Variants in DNAH12 observed in about 807,000 individuals in gnomAD.
DNAH12 encodes the protein dynein axonemal heavy chain 12.
In DNAH12, 285 loss-of-function variants were observed where a neutral mutation model predicts 371.5. The ratio of observed to expected loss-of-function variants is 0.77; its 90% CI spans 0.70 to 0.85. DNAH12 has a LOEUF of 0.85. DNAH12 is among the 40% of genes least tolerant of loss of function. The pLI is 0.00. For missense variants in DNAH12, 3,611 were observed against 3,689.4 expected, an observed-to-expected ratio of 0.98 and a Z score of 0.55; for synonymous variants, 1,200 against 1,213.0, an observed-to-expected ratio of 0.99 and a Z score of 0.22.
intron 2 of DNAH12, chr3:57,536,163 G>C (rs546658865): frequency 6.7e-6 from 1 of 148,590 alleles, no homozygotes; most frequent in South Asian, 2.1e-4. Flanking sequence ...AAATTATCCA[G>C]TCTGTAGTAT....
At chr3:57,371,446 C>T (rs1371118685) in intron 55 of DNAH12, among the ~76,000 whole-genome samples, 6 of 152,098 alleles carry the variant, frequency 3.9e-5, no homozygotes, top group African/African-American at 1.2e-4. Flanking sequence ...GCATTTCATA[C>T]TAAAAATCAC....
At chr3:57,400,724 A>G (rs2063839257) in intron 43 of DNAH12, among the ~76,000 whole-genome samples, 2 of 152,214 alleles carry the variant, frequency 1.3e-5, no homozygotes, top group African/African-American at 4.8e-5. Flanking sequence ...GGGTAACTAA[A>G]ACTGCAATAA....
chr3:57,499,903 T>C (rs2067472461), intron 11 of DNAH12, among the ~76,000 whole-genome samples: 1 of 151,112 alleles, frequency 6.6e-6, no homozygotes, highest in African/African-American at 2.4e-5. Context: ...ATGTATAAAG[T>C]ATACATTAAA....
At chr3:57,443,066 G>C (rs2153369489) in intron 29 of DNAH12, among the ~76,000 whole-genome samples, 1 of 152,142 alleles carries the variant, frequency 6.6e-6, no homozygotes, top group South Asian at 2.1e-4. Flanking sequence ...TTCATTAATT[G>C]CGTTAAATTG....
At chr3:57,541,926 A>G (rs1234144777) in intron 2 of DNAH12, among the ~76,000 whole-genome samples, 1 of 152,128 alleles carries the variant, frequency 6.6e-6, no homozygotes, top group East Asian at 1.9e-4. Flanking sequence ...AGGAAAGAGA[A>G]TGTAGAAAGG....
At chr3:57,435,884 A>C (rs1309891907) in intron 30 of DNAH12, among the ~76,000 whole-genome samples, 1 of 152,108 alleles carries the variant, frequency 6.6e-6, no homozygotes, top group Non-Finnish European at 1.5e-5. Context: ...TATGTTTAAA[A>C]ATTTACATAA....
At position 57,509,227 on chromosome 3, in the gene DNAH12, T is replaced by G; in HGVS notation, c.470-15A>C. The G allele has an allele frequency of 6.2e-7, 1 of 1,604,166 alleles. No individual in the cohort carries two copies. Among genetic ancestry groups the G allele is most frequent in the South Asian group, 1.1e-5 (1 of 89,156 alleles). ...AACGCTCTGCACTAAAATACATGGA[T>G]ATATTAATGCTTCTTGAAAATCTCT... On this transcript the variant is annotated splice_polypyrimidine_tract_variant and intron_variant, in intron 5 of 73. Transcript: ENST00000495027.
chr3:57,431,240 C>T (rs1368172381), intron 32 of DNAH12, among the ~76,000 whole-genome samples: 2 of 152,132 alleles, frequency 1.3e-5, no homozygotes, highest in African/African-American at 2.4e-5. Flanking sequence ...TGCCACTCAA[C>T]AGTACTCAGT....
chr3:57,325,678 AG>A (rs1168934146), intron 62 of DNAH12, among the ~76,000 whole-genome samples: 4 of 152,262 alleles, frequency 2.6e-5, no homozygotes, highest in African/African-American at 9.6e-5. Context: ...CCTCCTCCAA[AG>A]GATCACAGTT....
intron 2 of DNAH12, among the ~76,000 whole-genome samples, chr3:57,531,531 G>A (rs916601795): frequency 3.3e-5 from 5 of 152,058 alleles, no homozygotes; most frequent in Admixed American, 2.6e-4. Context: ...GGAGGCTGAG[G>A]GAGGTGGATA....
At chr3:57,345,832 A>G (rs1265423003) in intron 60 of DNAH12, among the ~76,000 whole-genome samples, 1 of 152,178 alleles carries the variant, frequency 6.6e-6, no homozygotes, top group Non-Finnish European at 1.5e-5. Flanking sequence ...ATCTACATAT[A>G]TTTTATGTAT....
At chr3:57,369,314 ATT>A (rs2063121545) in intron 55 of DNAH12, among the ~76,000 whole-genome samples, 1 of 144,086 alleles carries the variant, frequency 6.9e-6, no homozygotes, top group South Asian at 2.1e-4. Flanking sequence ...TATATTATAA[ATT>A]ATATATATTT....
At chr3:57,422,636 C>T (rs1348456065) in intron 35 of DNAH12, among the ~76,000 whole-genome samples, 1 of 152,138 alleles carries the variant, frequency 6.6e-6, no homozygotes, top group Non-Finnish European at 1.5e-5. Flanking sequence ...GACCCCATCT[C>T]TACAAAATAT....
In DNAH12 at chr3:57,377,072, T is replaced by C. The variant is rs2063295465; in HGVS notation, c.8374A>G (p.Lys2792Glu). The C allele has an allele frequency of 6.6e-6, 1 of 152,142 alleles. No individual in the cohort carries two copies. Among genetic ancestry groups the C allele is most frequent in the Non-Finnish European group, 1.5e-5 (1 of 68,018 alleles). 9.4% of individuals were successfully genotyped at this position (152,142 alleles called of 1,614,324 possible). The change falls in exon 53 of 74, where the codon AAG becomes GAG. Residue 2792 changes from lysine to glutamate, a missense_variant. Coordinates refer to ENST00000495027, the MANE Select transcript of DNAH12 (RefSeq NM_001366028.2). ...QMTFLEKTEE[K>E]AALEDQVELC... ...TCCACCTGGTCTTCTAAAGCAGCCT[T>C]TTCCTCTGTTTTCTCAAGAAATGTC... is the stretch of plus-strand genomic sequence containing the variant.
chr3:57,293,938 T>A lies in DNAH12; in HGVS notation c.11726A>T (p.Tyr3909Phe). ...QKSRIIKSDA[Y>F]VCPLYKTSER... The stretch of plus-strand genomic sequence containing the variant: ...ACTTGTCTTGTAGAGGGGACAGACA[T>A]AGGCATCCGACTTTATAATCCGAGA... The change falls in exon 74 of 74, where the codon TAT becomes TTT. Residue 3909 changes from tyrosine (Y) to phenylalanine (F), a missense_variant. This residue lies in a region of DNAH12 where 2,266 missense variants were observed against 2,236.9 expected (regional missense o/e 1.01). Transcript: ENST00000495027. 1 of 1,460,872 alleles carries A rather than the reference T, an allele frequency of 6.8e-7. No individual in the cohort carries two copies. 90.5% of individuals were successfully genotyped at this position (1,460,872 alleles called of 1,614,324 possible). A position where few individuals can be genotyped will look rare whatever the true frequency, so the allele number is the denominator to read the frequency against.
intron 32 of DNAH12, 130 bp downstream of exon 32, chr3:57,433,237 T>A: frequency 8.7e-7 from 1 of 1,143,148 alleles, no homozygotes; most frequent in Non-Finnish European, 1.1e-6. Flanking sequence ...AGAGAATTTA[T>A]AAACCTACTC....
At chr3:57,502,959 C>T (rs1032402695) in intron 9 of DNAH12, among the ~76,000 whole-genome samples, 6 of 152,312 alleles carry the variant, frequency 3.9e-5, no homozygotes, top group Admixed American at 1.3e-4. Flanking sequence ...GGATTACAGG[C>T]GTGAGCCATT....
Position 57,458,104 on chromosome 3 carries a change from G to T in DNAH12, c.3048C>A (p.Phe1016Leu). 2 of 1,544,394 alleles carry T rather than the reference G, an allele frequency of 1.3e-6. No individual in the cohort carries two copies. Among genetic ancestry groups the T allele is most frequent in the Non-Finnish European group, 1.7e-6 (2 of 1,145,098 alleles). ...NAYLEKKRLFFPRFFFLSNDE... is the reference protein window; with the variant it reads ...NAYLEKKRLFLPRFFFLSNDE... Reference sequence around the variant, plus strand: ...CAATTGATTATTTATCATACCGAGGGAAGAAAAGACGTTTCTTTTCAAGAT... The same window carrying T: ...CAATTGATTATTTATCATACCGAGGTAAGAAAAGACGTTTCTTTTCAAGAT... Residue 1016 changes from phenylalanine (F) to leucine (L), a missense_variant, in exon 21 of 74, where the codon TTC becomes TTA. Coordinates refer to ENST00000495027, the MANE Select transcript of DNAH12 (RefSeq NM_001366028.2).
rs989317924 is a variant in DNAH12 at position 57,398,549 on chromosome 3, A to T, written c.6949-4217T>A. ...CAAAGAGAAAATCCTGAAAGCAGCC[A>T]GAGAAAAGCAACTTGTCATCTACAA... is the stretch of plus-strand genomic sequence containing the variant. On this transcript the variant is annotated intron_variant, in intron 43 of 73. Coordinates refer to ENST00000495027, the MANE Select transcript of DNAH12 (RefSeq NM_001366028.2). 1.0e-3 allele frequency among the ~76,000 whole-genome samples: 156 copies of T among 152,342 alleles called. 4 individuals carry two copies. The South Asian group carries it at 0.031, about 30-fold the overall frequency.
Sources: gnomAD v4.1 joint callset for allele counts (sites outside exome capture counted in the v4.1 genomes callset) on GRCh38, gnomAD v4.1.1 for gene constraint, gnomAD v4.1.1 regional missense constraint, MANE v1.5 for transcripts, NCBI Gene and HGNC (gene_info 2026-07-23, HGNC 2026-07-21) for gene names.